Variants in RNLS observed in about 807,000 individuals in gnomAD.
RNLS encodes renalase, FAD dependent amine oxidase, also known as renalase.
RNLS carries 39 observed loss-of-function variants against 39.8 expected under a neutral mutation model. The ratio of observed to expected loss-of-function variants is 0.98; its 90% confidence interval spans 0.76 to 1.28. The LOEUF (loss-of-function observed/expected upper bound fraction) is 1.28, where lower values mean the gene tolerates loss of function less well. Among genes scored for constraint, RNLS ranks in the 50% most tolerant of loss-of-function variants. RNLS has a pLI of 0.00. For synonymous variants in RNLS, 147 were observed against 150.7 expected (o/e 0.98, Z 0.18); for missense variants, 410 against 413.3 (o/e 0.99, Z 0.07).
At chr10:88,286,732 A>G (rs775998834) in intron 6 of RNLS, among the ~76,000 whole-genome samples, 3 of 152,034 alleles carry the variant, frequency 2.0e-5, no homozygotes, top group Non-Finnish European at 2.9e-5. Context: ...AATAAATTCT[A>G]TTTAAATTAT....
chr10:88,285,347 A>G lies in RNLS; in HGVS notation c.*7T>C. On this transcript the variant is annotated 3_prime_UTR_variant, in exon 7 of 7. Coordinates refer to ENST00000331772, the MANE Select transcript of RNLS (RefSeq NM_001031709.3). Reference sequence around the variant, plus strand: ...CAATACACATGTAGAGAATAAGGATATAGGCACTAAATATAATTCTTTAAA... The same window carrying G: ...CAATACACATGTAGAGAATAAGGATGTAGGCACTAAATATAATTCTTTAAA... 6.2e-7 allele frequency: 1 copy of G among 1,609,080 alleles called. No individual in the cohort carries two copies. The highest frequency in any genetic ancestry group is 8.5e-7 in the Non-Finnish European group (1 of 1,176,466).
intron 4 of RNLS, among the ~76,000 whole-genome samples, chr10:88,452,788 G>A (rs1435659414): frequency 6.6e-6 from 1 of 152,168 alleles, no homozygotes; most frequent in African/African-American, 2.4e-5. Flanking sequence ...GGATCATCAG[G>A]CACAGGTTCG....
chr10:88,477,117 T>C (rs1564831473), intron 4 of RNLS, among the ~76,000 whole-genome samples: 1 of 152,084 alleles, frequency 6.6e-6, no homozygotes, highest in Non-Finnish European at 1.5e-5. Context: ...TTTGTATCAA[T>C]ATCATTAAAT....
At chr10:88,190,668 A>G in the RNLS span, among the ~76,000 whole-genome samples, 1 of 152,158 alleles carries the variant, frequency 6.6e-6, no homozygotes, top group Non-Finnish European at 1.5e-5. Context: ...CTTATATGCT[A>G]TAAGCGCTTT....
intron 4 of RNLS, among the ~76,000 whole-genome samples, chr10:88,447,915 C>T (rs567445700): frequency 6.6e-6 from 1 of 152,286 alleles, no homozygotes; most frequent in African/African-American, 2.4e-5. Context: ...GGAAAGGATT[C>T]CCTATTTAAT....
At chr10:88,197,151 G>A in the RNLS span, among the ~76,000 whole-genome samples, 9 of 152,192 alleles carry the variant, frequency 5.9e-5, no homozygotes, top group Admixed American at 1.3e-4. Context: ...CTTTGGCAAG[G>A]CCATTTTGTT....
intron 4 of RNLS, among the ~76,000 whole-genome samples, chr10:88,451,690 G>C (rs540056398): frequency 2.5e-4 from 38 of 152,254 alleles, no homozygotes; most frequent in African/African-American, 7.5e-4. Flanking sequence ...AAAAGCTGTA[G>C]GTAGCACTGA....
At chr10:88,537,330 A>C (rs1847811218) in intron 4 of RNLS, among the ~76,000 whole-genome samples, 1 of 152,224 alleles carries the variant, frequency 6.6e-6, no homozygotes. Context: ...AAATTAAAAT[A>C]TGTATAATCT....
the RNLS span, among the ~76,000 whole-genome samples, chr10:88,247,307 C>T: frequency 6.6e-6 from 1 of 152,116 alleles, no homozygotes; most frequent in East Asian, 1.9e-4. Flanking sequence ...AAGGAAGTGA[C>T]ATATACTTAG....
chr10:88,488,437 T>C (rs1448382981), intron 4 of RNLS, among the ~76,000 whole-genome samples: 1 of 151,656 alleles, frequency 6.6e-6, no homozygotes, highest in African/African-American at 2.4e-5. Flanking sequence ...TCCCAGCTAC[T>C]TGGGAGTCTG....
chr10:88,362,441 G>T, intron 5 of RNLS, 111 bp downstream of exon 5: 1 of 933,962 alleles, frequency 1.1e-6, no homozygotes, highest in South Asian at 2.5e-5. Context: ...CCTGTGGCTT[G>T]GAGTTAAATG....
intron 4 of RNLS, among the ~76,000 whole-genome samples, chr10:88,454,530 T>C (rs11594236): frequency 2.6e-4 from 39 of 152,226 alleles, no homozygotes; most frequent in Non-Finnish European, 4.8e-4. Flanking sequence ...ACTTGGCTCT[T>C]TGTATCTGTT....
chr10:88,221,983 T>G, the RNLS span, among the ~76,000 whole-genome samples: 1 of 152,170 alleles, frequency 6.6e-6, no homozygotes, highest in African/African-American at 2.4e-5. Flanking sequence ...CTGCCTGAGG[T>G]GAATGCATGC....
At chr10:88,490,924 CAATGA>C (rs1490737232) in intron 4 of RNLS, among the ~76,000 whole-genome samples, 1 of 152,000 alleles carries the variant, frequency 6.6e-6, no homozygotes, top group Non-Finnish European at 1.5e-5. Flanking sequence ...AATTTATATA[CAATGA>C]AATAACAATA....
intron 4 of RNLS, 121 bp from the exon 5 acceptor site, chr10:88,362,846 A>T (rs540346152): frequency 2.4e-5 from 19 of 797,594 alleles, no homozygotes; most frequent in Admixed American, 2.2e-4. Context: ...CTCACTTACA[A>T]TGAATTTTGA....
intron 4 of RNLS, among the ~76,000 whole-genome samples, chr10:88,536,364 G>T (rs185449635): frequency 6.6e-6 from 1 of 152,130 alleles, no homozygotes; most frequent in Non-Finnish European, 1.5e-5. Flanking sequence ...ATAATTTCTC[G>T]CTTGAATCAC....
At chr10:88,206,344 G>A in the RNLS span, among the ~76,000 whole-genome samples, 1 of 152,088 alleles carries the variant, frequency 6.6e-6, no homozygotes, top group East Asian at 1.9e-4. Context: ...TGCCAGAGGG[G>A]CTAAGAACAC....
At chr10:88,523,519 C>A (rs903648549) in intron 4 of RNLS, among the ~76,000 whole-genome samples, 1 of 152,078 alleles carries the variant, frequency 6.6e-6, no homozygotes, top group Non-Finnish European at 1.5e-5. Context: ...AGCAAGGGAT[C>A]GCTTTACATC....
chr10:88,575,159 T>TATAC (rs1386414416), intron 3 of RNLS, among the ~76,000 whole-genome samples: 167 of 43,382 alleles, frequency 3.8e-3, no homozygotes, highest in Middle Eastern at 0.017. Context: ...TATATATATA[T>TATAC]ACACACACAC....
Sources: allele counts gnomAD v4.1 joint callset (sites outside exome capture counted in the v4.1 genomes callset), GRCh38; gene constraint gnomAD v4.1.1; transcripts MANE v1.5; gene names NCBI Gene and HGNC (gene_info 2026-07-23, HGNC 2026-07-21).